COL4A3: variants seen among roughly 807,000 people sequenced by gnomAD.
COL4A3 encodes the protein collagen type IV alpha 3 chain, also known as collagen alpha-3(IV) chain.
COL4A3 carries 135 observed loss-of-function variants against 217.4 expected under a neutral mutation model. The observed-to-expected ratio is 0.62, with a 90% CI of 0.54 to 0.72. COL4A3 has a LOEUF of 0.72. Among genes scored for constraint, COL4A3 ranks in the 30% least tolerant of loss-of-function variants. The pLI, the probability that COL4A3 is intolerant of heterozygous loss-of-function variation, is 0.00. For missense variants in COL4A3, 1,868 were observed against 2,119.9 expected (o/e 0.88, Z 2.33); for synonymous variants, 690 against 736.3 (o/e 0.94, Z 1.02).
In COL4A3 at chr2:227,282,415, G is replaced by C. The variant is rs571406874; in HGVS notation, c.2539G>C (p.Asp847His). The C allele has an allele frequency of 1.9e-6, 3 of 1,613,708 alleles. No homozygotes were observed. Among genetic ancestry groups the C allele is most frequent in the Non-Finnish European group, 2.5e-6 (3 of 1,179,938 alleles). Residue 847 changes from aspartate (D) to histidine (H), a missense_variant, in exon 32 of 52, where the codon GAT becomes CAT. Coordinates refer to ENST00000396578, the MANE Select transcript of COL4A3 (RefSeq NM_000091.5). The surrounding 1 kb of genome is among the most constrained non-coding windows in gnomAD (Gnocchi z 4.4). The part of the protein sequence containing the change: ...PKGDPGIPGL[D>H]RSGFPGETGS... ...GGGAGACCCAGGAATTCCAGGCTTG[G>C]ATAGATCAGGATTTCCTGGAGAAAC... is the stretch of plus-strand genomic sequence containing the variant.
Position 227,221,845 on chromosome 2 carries a change from G to T in COL4A3, c.88-16123G>T, listed in dbSNP as rs114183120. 7.4e-3 allele frequency among the ~76,000 whole-genome samples: 1,124 copies of T among 151,810 alleles called. 10 individuals carry two copies. Among genetic ancestry groups the T allele is most frequent in the African/African-American group, 0.025 (1,031 of 41,398 alleles). On this transcript the variant is annotated intron_variant, in intron 1 of 51. Transcript: ENST00000396578. Reference sequence around the variant, plus strand: ...GAATGAATAAATGATACCACTTCTAGATTTGAATATAAATTTGAAGTTGGA... The same window carrying T: ...GAATGAATAAATGATACCACTTCTATATTTGAATATAAATTTGAAGTTGGA...
At chr2:227,195,671 G>A (rs954059470) in intron 1 of COL4A3, among the ~76,000 whole-genome samples, 46 of 125,606 alleles carry the variant, frequency 3.7e-4, no homozygotes, top group African/African-American at 1.2e-3. Context: ...ATATATATGT[G>A]TGTGTGTGTG....
intron 32 of COL4A3, 63 bp from the exon 33 acceptor site, chr2:227,283,704 G>T: frequency 7.6e-7 from 1 of 1,308,120 alleles, no homozygotes; most frequent in South Asian, 1.2e-5. Flanking sequence ...TTTAGTATAT[G>T]GAATATTTTG....
At chr2:227,206,813 G>C (rs2067119423) in intron 1 of COL4A3, among the ~76,000 whole-genome samples, 1 of 152,202 alleles carries the variant, frequency 6.6e-6, no homozygotes, top group South Asian at 2.1e-4. Context: ...ACATGTCTTA[G>C]CTAAGCCTCA....
chr2:227,251,288 T>C, intron 10 of COL4A3, 48 bp from the exon 11 acceptor site: 1 of 1,606,258 alleles, frequency 6.2e-7, no homozygotes, highest in Admixed American at 1.7e-5. Flanking sequence ...AGAATTTTTC[T>C]GGTTGGATGC....
chr2:227,219,854 T>C (rs2067691235), intron 1 of COL4A3, among the ~76,000 whole-genome samples: 1 of 152,236 alleles, frequency 6.6e-6, no homozygotes, highest in African/African-American at 2.4e-5. Context: ...TCAGTATGTA[T>C]TGAGCATCTT....
rs576917186 is a variant in COL4A3 at position 227,293,176 on chromosome 2, T to C, written c.3211-15T>C. On this transcript the variant is annotated splice_polypyrimidine_tract_variant and intron_variant, in intron 37 of 51. Coordinates refer to ENST00000396578, the MANE Select transcript of COL4A3 (RefSeq NM_000091.5). ...GCTTATATGAGAATTTTAAAGGTAT[T>C]TGACTACATTTAAGGGGGATCCAGG... The C allele has an allele frequency of 3.7e-6, 6 of 1,613,754 alleles. No individual in the cohort carries two copies. The highest frequency in any genetic ancestry group is 3.3e-5 in the South Asian group (3 of 91,054).
At chr2:227,283,636 T>C (rs2106170563) in intron 32 of COL4A3, 131 bp from the exon 33 acceptor site, 1 of 750,870 alleles carries the variant, frequency 1.3e-6, no homozygotes, top group East Asian at 2.7e-5. Flanking sequence ...ACAGTAATTG[T>C]ACTATGTACA....
intron 30 of COL4A3, 33 bp from the exon 31 acceptor site, chr2:227,280,860 C>A: frequency 1.4e-6 from 2 of 1,445,656 alleles, no homozygotes; most frequent in Non-Finnish European, 1.9e-6. Flanking sequence ...TAAGTTCTAG[C>A]ACCTGGGTAT....
At chr2:227,242,924 C>T (rs139837638) in intron 3 of COL4A3, among the ~76,000 whole-genome samples, 57 of 152,228 alleles carry the variant, frequency 3.7e-4, no homozygotes, top group African/African-American at 1.2e-3. Context: ...CTCCTTCTTC[C>T]GATCCTAATT....
intron 28 of COL4A3, chr2:227,279,543 G>T: frequency 2.0e-6 from 1 of 500,072 alleles, no homozygotes; most frequent in Non-Finnish European, 3.5e-6. Flanking sequence ...CAGCATCAGT[G>T]GTTTGAAGAA....
At chr2:227,216,859 T>C (rs1202916053) in intron 1 of COL4A3, among the ~76,000 whole-genome samples, 1 of 152,156 alleles carries the variant, frequency 6.6e-6, no homozygotes, top group Non-Finnish European at 1.5e-5. Context: ...CAATCACAGA[T>C]GGTCAGAGTT....
chr2:227,225,265 A>G (rs1013444310), intron 1 of COL4A3, among the ~76,000 whole-genome samples: 1 of 152,224 alleles, frequency 6.6e-6, no homozygotes, highest in African/African-American at 2.4e-5. Flanking sequence ...TGAATAGACA[A>G]ACCAGGCACA....
At chr2:227,178,292 G>A (rs2065753647) in intron 1 of COL4A3, among the ~76,000 whole-genome samples, 1 of 151,706 alleles carries the variant, frequency 6.6e-6, no homozygotes, top group Non-Finnish European at 1.5e-5. Context: ...TGAGGTGGGA[G>A]GATCGCTTGA....
rs1413538603 is a variant in COL4A3 at position 227,304,068 on chromosome 2, C to T, written c.4077C>T (p.Ser1359=). Residue 1359 remains serine (S), a synonymous_variant, in exon 46 of 52, where the codon AGC becomes AGT. Transcript: ENST00000396578. ...GTLKIISLPG[S]PGPPGTPGEP... ...TTAAGATTATCTCCCTTCCAGGAAG[C>T]CCAGGGCCACCTGGCACACCTGGAG... is the stretch of plus-strand genomic sequence containing the variant. The T allele has an allele frequency of 1.9e-6, 3 of 1,614,024 alleles. No homozygotes were observed. The East Asian group carries it at 6.7e-5, about 36-fold the overall frequency.
At chr2:227,208,593 T>C (rs990883158) in intron 1 of COL4A3, among the ~76,000 whole-genome samples, 12 of 152,248 alleles carry the variant, frequency 7.9e-5, no homozygotes, top group Middle Eastern at 3.4e-3. Flanking sequence ...AAACTATCTT[T>C]AAAAACTCTG....
At chr2:227,215,301 A>T (rs73088289) in intron 1 of COL4A3, among the ~76,000 whole-genome samples, 7,627 of 152,198 alleles carry the variant, frequency 0.05, 405 homozygotes, top group East Asian at 0.23. Context: ...TAATCATTCT[A>T]TGTATTTACT....
Position 227,254,704 on chromosome 2 carries a change from C to A in COL4A3, c.877C>A (p.Pro293Thr). Residue 293 changes from proline to threonine, a missense_variant, in exon 15 of 52, where the codon CCT becomes ACT. Pro to Thr is a conservative substitution (Grantham distance 38). Around this residue, in one of 2 missense-constraint regions of COL4A3, gnomAD observed 1,503 missense variants for 1,786.1 expected, o/e 0.84. Transcript: ENST00000396578. The part of the protein sequence containing the change: ...YGSEKGAPGD[P>T]GLQGKPGKDG... ...ATCTGAAAAGGGTGCTCCTGGAGACCCTGGCCTGCAGGTAAATTTGGAAAT... is the reference window on the plus strand; with the variant it reads ...ATCTGAAAAGGGTGCTCCTGGAGACACTGGCCTGCAGGTAAATTTGGAAAT... The A allele has an allele frequency of 6.2e-7, 1 of 1,612,878 alleles. No individual in the cohort carries two copies. The highest frequency in any genetic ancestry group is 8.5e-7 in the Non-Finnish European group (1 of 1,179,000).
At chr2:227,207,230 G>C (rs150895157) in intron 1 of COL4A3, among the ~76,000 whole-genome samples, 1 of 152,076 alleles carries the variant, frequency 6.6e-6, no homozygotes, top group East Asian at 1.9e-4. Context: ...TAGAAAAAGA[G>C]TTCTAGGAAA....
Sources: allele counts gnomAD v4.1 joint callset (sites outside exome capture counted in the v4.1 genomes callset), GRCh38; gene constraint gnomAD v4.1.1; regional missense constraint gnomAD v4.1.1; non-coding constraint Gnocchi (gnomAD v3.1); transcripts MANE v1.5; gene names NCBI Gene and HGNC (gene_info 2026-07-23, HGNC 2026-07-21).